Variants in GREB1L observed in about 807,000 individuals in gnomAD.
GREB1L encodes the protein GREB1 like retinoic acid receptor coactivator, also known as GREB1-like protein.
GREB1L carries 17 observed loss-of-function variants against 200.8 expected under a neutral mutation model. The ratio of observed to expected loss-of-function variants is 0.08; its 90% confidence interval spans 0.06 to 0.13. The LOEUF is 0.13. Among genes scored for constraint, GREB1L ranks in the 10% least tolerant of loss-of-function variants. The pLI, the probability that GREB1L is intolerant of heterozygous loss-of-function variation, is 1.00. For missense variants in GREB1L, 1,657 were observed against 2,367.7 expected (o/e 0.70, Z 6.23); for synonymous variants, 789 against 893.0 (o/e 0.88, Z 2.08).
At chr18:21,421,589 T>G (rs1452205659) in intron 7 of GREB1L, among the ~76,000 whole-genome samples, 16 of 152,228 alleles carry the variant, frequency 1.1e-4, no homozygotes, top group Non-Finnish European at 2.4e-4. Flanking sequence ...TCATAAAGAC[T>G]TAAGCTCTTG....
chr18:21,498,252 C>G (rs1023249126), intron 21 of GREB1L, among the ~76,000 whole-genome samples: 4 of 152,126 alleles, frequency 2.6e-5, no homozygotes, highest in Admixed American at 2.6e-4. Context: ...CTGGATGGCT[C>G]TGGGCAGGAA....
rs560952595 is a variant in GREB1L, at chr18:21,423,749, C to T, written c.833-15772C>T. Among the ~76,000 whole-genome samples the T allele has an allele frequency of 4.3e-4, 66 of 152,194 alleles. 2 individuals are homozygous for T. In the East Asian group the frequency reaches 0.012, roughly 28 times the overall value. ...TGGTAGCCCACGCTTTTGGTCCTAC[C>T]TACATGGGAGGCTGAGGTAGGATTG... On this transcript the variant is annotated intron_variant, in intron 7 of 32. Transcript: ENST00000424526.
rs145882776 is a variant in GREB1L at position 21,499,347 on chromosome 18, G to A, written c.3392-382G>A. ...AACTTGGAAAAGGAGCAAGAGGTGT[G>A]CTGTGCTGGGGGGTGGTTAACCCCA... is the stretch of plus-strand genomic sequence containing the variant. On this transcript the variant is annotated intron_variant, in intron 21 of 32. Transcript: ENST00000424526. 9.6e-3 allele frequency among the ~76,000 whole-genome samples: 1,469 copies of A among 152,336 alleles called. 18 individuals carry two copies. The highest frequency in any genetic ancestry group is 0.016 in the Non-Finnish European group (1,081 of 68,018).
At chr18:21,454,588 GCCC>G in intron 15 of GREB1L, 25 bp downstream of exon 15, 1 of 1,524,118 alleles carries the variant, frequency 6.6e-7, no homozygotes, top group Non-Finnish European at 8.9e-7. Context: ...TCAAAGAGGA[GCCC>G]ACCTAGATCC....
At chr18:21,377,061 G>A (rs1296782928) in intron 2 of GREB1L, among the ~76,000 whole-genome samples, 1 of 152,140 alleles carries the variant, frequency 6.6e-6, no homozygotes, top group Non-Finnish European at 1.5e-5. Context: ...AAAAATATGA[G>A]CAAATCTTTC....
Position 21,520,678 on chromosome 18 carries a change from A to G in GREB1L, c.5473-10A>G. Reference sequence around the variant, plus strand: ...GAAATGCCCATGCTATTTTTGCTTGATGATTTCAGGTGGCCATATGCTATA... The same window carrying G: ...GAAATGCCCATGCTATTTTTGCTTGGTGATTTCAGGTGGCCATATGCTATA... On this transcript the variant is annotated splice_polypyrimidine_tract_variant and intron_variant, in intron 31 of 32. Coordinates refer to ENST00000424526, the MANE Select transcript of GREB1L (RefSeq NM_001142966.3). The G allele has an allele frequency of 6.4e-7, 1 of 1,551,420 alleles. No homozygotes were observed. Among genetic ancestry groups the G allele is most frequent in the South Asian group, 1.2e-5 (1 of 84,050 alleles).
chr18:21,380,544 G>C (rs1218584810), intron 2 of GREB1L: 1 of 152,256 alleles, frequency 6.6e-6, no homozygotes, highest in African/African-American at 2.4e-5. Context: ...AGGTGAGGCT[G>C]TACAGTAAGA....
chr18:21,374,263 C>T (rs1199996274), intron 2 of GREB1L, among the ~76,000 whole-genome samples: 1 of 152,180 alleles, frequency 6.6e-6, no homozygotes, highest in Non-Finnish European at 1.5e-5. Context: ...CTTGGCCTCC[C>T]AAATTGCTGG....
At chr18:21,352,608 AT>A (rs1187652980) in intron 1 of GREB1L, among the ~76,000 whole-genome samples, 1 of 151,462 alleles carries the variant, frequency 6.6e-6, no homozygotes, top group African/African-American at 2.4e-5. Flanking sequence ...TAATTTTTAT[AT>A]TTTTAGTAGA....
chr18:21,477,143 T>C (rs1363595869), intron 16 of GREB1L, 21 bp from the exon 17 acceptor site: 2 of 1,525,654 alleles, frequency 1.3e-6, no homozygotes, highest in Admixed American at 4.0e-5. Context: ...GGTATTAATA[T>C]GACTTTCAAT....
At chr18:21,420,793 A>G (rs2032086259) in intron 7 of GREB1L, among the ~76,000 whole-genome samples, 1 of 152,238 alleles carries the variant, frequency 6.6e-6, no homozygotes, top group South Asian at 2.1e-4. Context: ...GGTGTTTACC[A>G]GAGGGGAAAG....
At chr18:21,476,483 G>A (rs2035703789) in intron 16 of GREB1L, among the ~76,000 whole-genome samples, 1 of 152,074 alleles carries the variant, frequency 6.6e-6, no homozygotes, top group Admixed American at 6.6e-5. Flanking sequence ...CATTGACCCT[G>A]TACACCTCAT....
At chr18:21,447,297 T>A (rs1175506138) in intron 11 of GREB1L, among the ~76,000 whole-genome samples, 2 of 151,832 alleles carry the variant, frequency 1.3e-5, no homozygotes, top group Non-Finnish European at 2.9e-5. Context: ...ATTAAAAAAA[T>A]TTAAAAAAAA....
At chr18:21,406,080 A>G (rs1220204471) in intron 7 of GREB1L, among the ~76,000 whole-genome samples, 1 of 151,636 alleles carries the variant, frequency 6.6e-6, no homozygotes, top group Non-Finnish European at 1.5e-5. Context: ...AAAAAAGAAC[A>G]ATAAAACATG....
At chr18:21,418,316 G>T (rs1297806822) in intron 7 of GREB1L, among the ~76,000 whole-genome samples, 1 of 152,098 alleles carries the variant, frequency 6.6e-6, no homozygotes, top group East Asian at 1.9e-4. Flanking sequence ...ATTTGCAGAA[G>T]CTCAATTCCC....
intron 4 of GREB1L, among the ~76,000 whole-genome samples, chr18:21,394,551 C>T (rs1340279438): frequency 1.3e-5 from 2 of 152,072 alleles, no homozygotes; most frequent in Non-Finnish European, 2.9e-5. Flanking sequence ...TTATGATATA[C>T]AAAGTGGTTA....
At chr18:21,371,557 G>A (rs181710477) in intron 2 of GREB1L, among the ~76,000 whole-genome samples, 32 of 151,618 alleles carry the variant, frequency 2.1e-4, no homozygotes, top group Admixed American at 5.9e-4. Flanking sequence ...GGAGGCTGAG[G>A]TGGGCGGATC....
intron 7 of GREB1L, among the ~76,000 whole-genome samples, chr18:21,417,650 T>G (rs2031768765): frequency 6.6e-6 from 1 of 152,108 alleles, no homozygotes; most frequent in African/African-American, 2.4e-5. Flanking sequence ...TTCAGATAGA[T>G]GGACTTGATA....
chr18:21,454,275 C>G, intron 14 of GREB1L, 91 bp from the exon 15 acceptor site: 2 of 779,960 alleles, frequency 2.6e-6, no homozygotes, highest in Non-Finnish European at 4.2e-6. Flanking sequence ...ATTACATTAC[C>G]GTCTGTGTGG....
Sources: allele counts gnomAD v4.1 joint callset (sites outside exome capture counted in the v4.1 genomes callset), GRCh38; gene constraint gnomAD v4.1.1; transcripts MANE v1.5; gene names NCBI Gene and HGNC (gene_info 2026-07-23, HGNC 2026-07-21).